RNLS: variants seen among roughly 807,000 people sequenced by gnomAD.
RNLS encodes the protein renalase.
RNLS carries 39 observed loss-of-function variants against 39.8 expected under a neutral mutation model. The observed-to-expected ratio is 0.98, with a 90% CI of 0.76 to 1.28. The LOEUF is 1.28. Among genes scored for constraint, RNLS ranks in the 50% most tolerant of loss-of-function variants. RNLS has a pLI of 0.00. For missense variants in RNLS, 410 were observed against 413.3 expected, an observed-to-expected ratio of 0.99 and a Z score of 0.07; for synonymous variants, 147 against 150.7, an observed-to-expected ratio of 0.98 and a Z score of 0.18.
intron 4 of RNLS, among the ~76,000 whole-genome samples, chr10:88,470,758 G>A (rs1843476368): frequency 6.6e-6 from 1 of 151,834 alleles, no homozygotes; most frequent in Admixed American, 6.6e-5. Context: ...TGGGATTACA[G>A]GAGCATGCTA....
chr10:88,349,542 ATCC>A (rs1298480484), intron 5 of RNLS, among the ~76,000 whole-genome samples: 1 of 152,136 alleles, frequency 6.6e-6, no homozygotes, highest in Non-Finnish European at 1.5e-5. Flanking sequence ...GCCTCAGGCA[ATCC>A]TCCTGCCTTG....
chr10:88,549,700 G>T (rs1367882391), intron 4 of RNLS, among the ~76,000 whole-genome samples: 1 of 152,202 alleles, frequency 6.6e-6, no homozygotes, highest in Non-Finnish European at 1.5e-5. Context: ...ACAGCCGACT[G>T]ATCAGTTAAT....
At chr10:88,230,338 G>A in the RNLS span, among the ~76,000 whole-genome samples, 52 of 152,164 alleles carry the variant, frequency 3.4e-4, no homozygotes, top group African/African-American at 1.0e-3. Flanking sequence ...CTCCTGACCC[G>A]TGATATCCAA....
chr10:88,563,018 A>C (rs1849279603), intron 4 of RNLS, among the ~76,000 whole-genome samples: 3 of 152,310 alleles, frequency 2.0e-5, no homozygotes, highest in South Asian at 2.1e-4. Flanking sequence ...GTAATGTGTA[A>C]GATCTTATGA....
At chr10:88,524,992 T>TATATATATATAC (rs1847023791) in intron 4 of RNLS, among the ~76,000 whole-genome samples, 1 of 130,854 alleles carries the variant, frequency 7.6e-6, no homozygotes, top group Admixed American at 7.7e-5. Flanking sequence ...TATATATATA[T>TATATATATATAC]ATATATACAC....
chr10:88,521,241 C>T (rs1028235307), intron 4 of RNLS, among the ~76,000 whole-genome samples: 2 of 152,054 alleles, frequency 1.3e-5, no homozygotes, highest in African/African-American at 4.8e-5. Flanking sequence ...CTTTAACCCA[C>T]TACACCTGAG....
chr10:88,471,981 G>A (rs898791264), intron 4 of RNLS, among the ~76,000 whole-genome samples: 3 of 151,864 alleles, frequency 2.0e-5, no homozygotes, highest in Non-Finnish European at 4.4e-5. Flanking sequence ...AAATCACATC[G>A]TCAGGATAAA....
intron 4 of RNLS, among the ~76,000 whole-genome samples, chr10:88,530,966 A>T (rs930141840): frequency 2.0e-5 from 3 of 152,172 alleles, no homozygotes; most frequent in African/African-American, 7.2e-5. Flanking sequence ...TGTTTTCAGA[A>T]ATGCACATAA....
the RNLS span, among the ~76,000 whole-genome samples, chr10:88,252,134 T>G: frequency 6.6e-6 from 1 of 152,198 alleles, no homozygotes; most frequent in Non-Finnish European, 1.5e-5. Context: ...CTGGACCTTT[T>G]TCCTTCCTTC....
At position 88,373,397 on chromosome 10, in the gene RNLS, T is replaced by TAAC. The variant is rs568121234; in HGVS notation, c.527-10675_527-10673dup. On this transcript the variant is annotated intron_variant, in intron 4 of 6. Transcript: ENST00000331772. The stretch of plus-strand genomic sequence containing the variant: ...ACTAGCTTCTTTTCTGTTTACATAA[T>TAAC]AACAACTCTTCACAAAGCTTAGCTA... 3.9e-3 allele frequency among the ~76,000 whole-genome samples: 595 copies of TAAC among 152,208 alleles called. 4 individuals are homozygous for TAAC. Among genetic ancestry groups the TAAC allele is most frequent in the African/African-American group, 0.014 (569 of 41,558 alleles).
At chr10:88,443,929 T>G (rs1841882111) in intron 4 of RNLS, among the ~76,000 whole-genome samples, 1 of 152,206 alleles carries the variant, frequency 6.6e-6, no homozygotes, top group Non-Finnish European at 1.5e-5. Flanking sequence ...AGCAGAAACC[T>G]CTGCAGACTT....
chr10:88,271,305 C>G (rs73348668), downstream of RNLS, among the ~76,000 whole-genome samples: 1,435 of 152,280 alleles, frequency 9.4e-3, 23 homozygotes, highest in African/African-American at 0.03. Context: ...AGACTTGGGT[C>G]AGGAAAGGAA....
chr10:88,210,485 A>C, the RNLS span, among the ~76,000 whole-genome samples: 1 of 152,210 alleles, frequency 6.6e-6, no homozygotes, highest in African/African-American at 2.4e-5. Context: ...CAGTGTATTC[A>C]GAGACGACTC....
At chr10:88,394,683 C>T (rs1213021966) in intron 4 of RNLS, among the ~76,000 whole-genome samples, 2 of 151,922 alleles carry the variant, frequency 1.3e-5, no homozygotes, top group Admixed American at 6.6e-5. Flanking sequence ...ACCCAGCCAT[C>T]CCATTACTGG....
intron 4 of RNLS, among the ~76,000 whole-genome samples, chr10:88,397,703 C>T (rs1852648718): frequency 6.6e-6 from 1 of 151,890 alleles, no homozygotes; most frequent in Admixed American, 6.6e-5. Context: ...AAAATCCCTG[C>T]TGCTTTTATT....
rs567075104 is a variant in RNLS, at chr10:88,430,245, T to C, written c.527-67520A>G. ...TTGTCAGATATATTCCTATGTTTCA[T>C]TTTTAAATGCTATTATAAATGTATT... On this transcript the variant is annotated intron_variant, in intron 4 of 6. Coordinates refer to ENST00000331772, the MANE Select transcript of RNLS (RefSeq NM_001031709.3). Among the ~76,000 whole-genome samples, 18 of 152,008 alleles carry C rather than the reference T, an allele frequency of 1.2e-4. No individual in the cohort carries two copies. The East Asian group carries it at 3.1e-3, about 26-fold the overall frequency.
chr10:88,356,434 A>T (rs1849197436), intron 5 of RNLS, among the ~76,000 whole-genome samples: 1 of 152,354 alleles, frequency 6.6e-6, no homozygotes, highest in South Asian at 2.1e-4. Context: ...TGGAATAATC[A>T]TGAACTCTTT....
chr10:88,530,493 T>G (rs1847357130), intron 4 of RNLS, among the ~76,000 whole-genome samples: 1 of 151,936 alleles, frequency 6.6e-6, no homozygotes, highest in African/African-American at 2.4e-5. Flanking sequence ...TATGTAGTTA[T>G]TTTTTTGTGG....
downstream of RNLS, among the ~76,000 whole-genome samples, chr10:88,273,278 T>C (rs1589441225): frequency 6.6e-6 from 1 of 152,218 alleles, no homozygotes; most frequent in East Asian, 1.9e-4. Context: ...ATTGTGAAAA[T>C]ACAGAAAAAA....
Sources: gnomAD v4.1 joint callset for allele counts (sites outside exome capture counted in the v4.1 genomes callset) on GRCh38, gnomAD v4.1.1 for gene constraint, MANE v1.5 for transcripts, NCBI Gene and HGNC (gene_info 2026-07-23, HGNC 2026-07-21) for gene names.